The following ZNF679 variants were observed in gnomAD, a reference collection of about 807,000 sequenced individuals.
ZNF679 encodes zinc finger protein 679.
In ZNF679, 10 loss-of-function variants were observed where a neutral mutation model predicts 13.4. The ratio of observed to expected loss-of-function variants is 0.75; its 90% CI spans 0.46 to 1.27. The LOEUF (loss-of-function observed/expected upper bound fraction) is 1.27. Among genes scored for constraint, ZNF679 ranks in the 50% most tolerant of loss-of-function variants. The pLI, the probability that ZNF679 is intolerant of heterozygous loss-of-function variation, is 0.00. For synonymous variants in ZNF679, 179 were observed against 162.5 expected (o/e 1.10, Z -0.77); for missense variants, 525 against 477.8 (o/e 1.10, Z -0.92).
rs527857634 is a variant in ZNF679, at chr7:64,260,188, G to T, written c.40-33G>T. 2.8e-5 allele frequency: 44 copies of T among 1,574,906 alleles called. 1 individual carries two copies. The African/African-American group carries it at 4.8e-4, about 17-fold the overall frequency. ...ACATAGTAAGTGTTTGTGTGTTCATGAGTGTTTTTTTGTTGTTGTTATTGT... is the reference window on the plus strand; with the variant it reads ...ACATAGTAAGTGTTTGTGTGTTCATTAGTGTTTTTTTGTTGTTGTTATTGT... On this transcript the variant is annotated intron_variant, in intron 2 of 4. Transcript: ENST00000421025.
rs547185279 is a variant in ZNF679 at position 64,234,483 on chromosome 7, G to A, written c.-91+5831G>A. Among the ~76,000 whole-genome samples, 8 of 152,246 alleles carry A rather than the reference G, an allele frequency of 5.3e-5. No individual in the cohort carries two copies. In the East Asian group the frequency reaches 5.8e-4, roughly 11 times the overall value. ...GGGGGGACATCTACTTACAGAGAGCGGGTCCTAGCTAGCAGCGAGCAAGGG... is the reference window on the plus strand; with the variant it reads ...GGGGGGACATCTACTTACAGAGAGCAGGTCCTAGCTAGCAGCGAGCAAGGG... On this transcript the variant is annotated intron_variant, in intron 1 of 4. Transcript: ENST00000421025.
chr7:64,266,822 A>G lies in ZNF679; in HGVS notation c.1189A>G (p.Asn397Asp), dbSNP rs1354119337. The G allele has an allele frequency of 6.3e-7, 1 of 1,599,278 alleles. No homozygotes were observed. Among genetic ancestry groups the G allele is most frequent in the Non-Finnish European group, 8.5e-7 (1 of 1,172,174 alleles). Reference protein sequence around the residue: ...KAFKWSSSLANHKSMHTGEKP... With the variant: ...KAFKWSSSLADHKSMHTGEKP... The stretch of plus-strand genomic sequence containing the variant: ...TTTTAAGTGGTCCTCAAGTCTTGCT[A>G]ATCATAAGAGTATGCATACTGGAGA... The change falls in exon 5 of 5, where the codon AAT (asparagine) becomes GAT (aspartate). Residue 397 changes from asparagine (N) to aspartate (D), a missense_variant. Physicochemically the swap from Asn to Asp is conservative, Grantham distance 23 (BLOSUM62 1). Transcript: ENST00000421025.
chr7:64,256,869 T>C (rs1161627705), intron 2 of ZNF679, among the ~76,000 whole-genome samples: 1 of 152,116 alleles, frequency 6.6e-6, no homozygotes, highest in Non-Finnish European at 1.5e-5. Flanking sequence ...AGCTAATATT[T>C]GTATTTCTAC....
chr7:64,261,777 G>A (rs1373691501), intron 4 of ZNF679, among the ~76,000 whole-genome samples: 1 of 150,882 alleles, frequency 6.6e-6, no homozygotes, highest in Non-Finnish European at 1.5e-5. Flanking sequence ...TATTAATTTT[G>A]TGCAACCTTT....
At position 64,241,639 on chromosome 7, in the gene ZNF679, T is replaced by C. The variant is rs188917907; in HGVS notation, c.-90-7389T>C. ...TAGAGATATTTCACAATGCCTTCTGTAATAAGAACCCAGGATAAAGAGTTA... is the reference window on the plus strand; with the variant it reads ...TAGAGATATTTCACAATGCCTTCTGCAATAAGAACCCAGGATAAAGAGTTA... On this transcript the variant is annotated intron_variant, in intron 1 of 4. Transcript: ENST00000421025. 6.6e-4 allele frequency among the ~76,000 whole-genome samples: 101 copies of C among 152,250 alleles called. 1 individual carries two copies. The highest frequency in any genetic ancestry group is 2.2e-3 in the African/African-American group (92 of 41,548).
intron 2 of ZNF679, among the ~76,000 whole-genome samples, chr7:64,259,569 T>A (rs2115597545): frequency 6.6e-6 from 1 of 152,310 alleles, no homozygotes; most frequent in South Asian, 2.1e-4. Flanking sequence ...AATGTTACTA[T>A]TAAAAATTAC....
At chr7:64,237,117 T>G (rs964380145) in intron 1 of ZNF679, among the ~76,000 whole-genome samples, 2 of 152,046 alleles carry the variant, frequency 1.3e-5, no homozygotes, top group Non-Finnish European at 2.9e-5. Context: ...TATAAATGTG[T>G]GCATGCAGGC....
At chr7:64,236,162 G>A (rs1787708903) in intron 1 of ZNF679, among the ~76,000 whole-genome samples, 1 of 151,954 alleles carries the variant, frequency 6.6e-6, no homozygotes, top group Non-Finnish European at 1.5e-5. Flanking sequence ...CTACTCAGGA[G>A]GCTGAGGCAG....
chr7:64,248,790 G>C (rs1371275401), intron 1 of ZNF679, among the ~76,000 whole-genome samples: 5 of 152,136 alleles, frequency 3.3e-5, no homozygotes, highest in Middle Eastern at 3.2e-3. Context: ...TCTAAGGTTG[G>C]CCTGGCTCAG....
At chr7:64,242,591 G>C (rs1787812914) in intron 1 of ZNF679, among the ~76,000 whole-genome samples, 1 of 152,166 alleles carries the variant, frequency 6.6e-6, no homozygotes, top group Non-Finnish European at 1.5e-5. Flanking sequence ...GACTGTATCT[G>C]TCAGTGAGAT....
At chr7:64,241,708 T>C (rs1444758084) in intron 1 of ZNF679, among the ~76,000 whole-genome samples, 8 of 152,194 alleles carry the variant, frequency 5.3e-5, no homozygotes, top group Non-Finnish European at 8.8e-5. Context: ...CAATCCCAAC[T>C]AAGGATAGGA....
rs539414514 is a variant in ZNF679, at chr7:64,249,245, C to T, written c.39+89C>T. ...CTGTAGCAGGACCCAAACTTCCTCG[C>T]AGTCAGCTCCGGAGTCTGAGGACCC... On this transcript the variant is annotated intron_variant, in intron 2 of 4. Coordinates refer to ENST00000421025, the MANE Select transcript of ZNF679 (RefSeq NM_153363.3). The T allele has an allele frequency of 5.2e-4, 841 of 1,607,734 alleles. 4 individuals carry two copies. Among genetic ancestry groups the T allele is most frequent in the East Asian group, 4.1e-3 (185 of 44,648 alleles).
chr7:64,241,285 C>G (rs1210592857), intron 1 of ZNF679, among the ~76,000 whole-genome samples: 2 of 152,222 alleles, frequency 1.3e-5, no homozygotes, highest in Non-Finnish European at 2.9e-5. Flanking sequence ...AGTCATCATT[C>G]CACCTGTAAG....
intron 1 of ZNF679, among the ~76,000 whole-genome samples, chr7:64,239,066 C>G (rs1213665364): frequency 6.6e-6 from 1 of 152,168 alleles, no homozygotes. Context: ...GCCCAGAACA[C>G]AGGTGAGATT....
At chr7:64,251,473 G>A (rs921000822) in intron 2 of ZNF679, among the ~76,000 whole-genome samples, 1 of 151,970 alleles carries the variant, frequency 6.6e-6, no homozygotes, top group Non-Finnish European at 1.5e-5. Context: ...GAAAAGAAGA[G>A]AAAAGGCAGA....
At chr7:64,233,220 G>A (rs555546803) in intron 1 of ZNF679, among the ~76,000 whole-genome samples, 2 of 142,602 alleles carry the variant, frequency 1.4e-5, no homozygotes, top group African/African-American at 2.6e-5. Flanking sequence ...CAGCTTGAGT[G>A]ACAAAGTCAG....
intron 4 of ZNF679, among the ~76,000 whole-genome samples, chr7:64,262,042 G>C (rs1023093886): frequency 6.6e-5 from 10 of 151,998 alleles, no homozygotes; most frequent in African/African-American, 2.2e-4. Context: ...TTTTAGTAGA[G>C]ATGGGGTTTC....
intron 1 of ZNF679, among the ~76,000 whole-genome samples, chr7:64,233,499 CAAAACAA>C (rs796564175): frequency 3.3e-5 from 5 of 151,920 alleles, no homozygotes; most frequent in South Asian, 2.1e-4. Context: ...TCAAGAAAAA[CAAAACAA>C]AAAACAAAAA....
Position 64,266,228 on chromosome 7 carries a change from C to G in ZNF679, c.595C>G (p.Leu199Val), listed in dbSNP as rs1020754526. The G allele has an allele frequency of 1.9e-6, 3 of 1,579,874 alleles. No individual in the cohort carries two copies. The highest frequency in any genetic ancestry group is 3.7e-5 in the Admixed American group (2 of 53,762). Residue 199 changes from leucine (L) to valine (V), a missense_variant, in exon 5 of 5, where the codon CTA becomes GTA. Transcript: ENST00000421025. Reference protein sequence around the residue: ...YGKSFCMVSQLHQHQIIHTRE... With the variant: ...YGKSFCMVSQVHQHQIIHTRE... ...CAAATCATTTTGCATGGTTTCACAACTACATCAACATCAGATAATTCATAC... is the reference window on the plus strand; with the variant it reads ...CAAATCATTTTGCATGGTTTCACAAGTACATCAACATCAGATAATTCATAC...
Sources: allele counts gnomAD v4.1 joint callset (sites outside exome capture counted in the v4.1 genomes callset), GRCh38; gene constraint gnomAD v4.1.1; transcripts MANE v1.5; gene names NCBI Gene and HGNC (gene_info 2026-07-23, HGNC 2026-07-21).